INPP4B: variants seen among roughly 807,000 people sequenced by gnomAD.
INPP4B encodes the protein inositol polyphosphate 4-phosphatase type II.
A neutral mutation model predicts 122.5 loss-of-function variants in INPP4B; 55 were observed. The ratio of observed to expected loss-of-function variants is 0.45; its 90% CI spans 0.36 to 0.56. INPP4B has a LOEUF of 0.56. Among genes scored for constraint, INPP4B ranks in the 20% least tolerant of loss-of-function variants. The pLI is 0.00. For synonymous variants in INPP4B, 403 were observed against 388.7 expected, an observed-to-expected ratio of 1.04 and a Z score of -0.43; for missense variants, 1,000 against 1,097.7, an observed-to-expected ratio of 0.91 and a Z score of 1.26.
intron 3 of INPP4B, among the ~76,000 whole-genome samples, chr4:142,433,592 A>G (rs192304452): frequency 6.6e-6 from 1 of 152,348 alleles, no homozygotes; most frequent in African/African-American, 2.4e-5. Context: ...ACAGACACAT[A>G]AAATCATACA....
chr4:142,156,937 A>C (rs1249024438), intron 17 of INPP4B, among the ~76,000 whole-genome samples: 1 of 152,132 alleles, frequency 6.6e-6, no homozygotes, highest in Non-Finnish European at 1.5e-5. Context: ...GAAATTAAGT[A>C]AAACAAACAA....
chr4:142,280,600 T>C (rs745994837), intron 9 of INPP4B, among the ~76,000 whole-genome samples: 1 of 151,958 alleles, frequency 6.6e-6, no homozygotes, highest in Non-Finnish European at 1.5e-5. Context: ...GGATACGGAC[T>C]CTGTTCATAC....
At position 142,399,189 on chromosome 4, in the gene INPP4B, CTTTTTTT is replaced by C. The variant is rs70949166; in HGVS notation, c.372+3742_372+3748del. The stretch of plus-strand genomic sequence containing the variant: ...CTTTTCCTTTCTAAATTTCCTTTTG[CTTTTTTT>C]TTTTTTTTTTTTTTTTTTTGAGTCG... On this transcript the variant is annotated intron_variant, in intron 7 of 25. Transcript: ENST00000262992. 1.6e-4 allele frequency among the ~76,000 whole-genome samples: 9 copies of C among 56,990 alleles called. No individual in the cohort carries two copies. In the East Asian group the frequency reaches 4.8e-3, roughly 31 times the overall value. 37.4% of individuals were successfully genotyped at this position (56,990 alleles called of 152,430 possible).
chr4:142,094,661 T>C (rs1238322526), intron 23 of INPP4B, among the ~76,000 whole-genome samples: 1 of 152,144 alleles, frequency 6.6e-6, no homozygotes, highest in East Asian at 1.9e-4. Flanking sequence ...TCCATGCCTC[T>C]CCTGCTGCCT....
rs549356664 is a variant in INPP4B, at chr4:142,176,493, A to G, written c.1182-2684T>C. Among the ~76,000 whole-genome samples the G allele has an allele frequency of 3.6e-4, 55 of 151,872 alleles. 1 individual carries two copies. The highest frequency in any genetic ancestry group is 1.9e-3 in the Admixed American group (29 of 15,210). On this transcript the variant is annotated intron_variant, in intron 15 of 25. Transcript: ENST00000262992. ...TCTTTCCCAGAAGTTCACTGTTACT[A>G]TTTTCCTGAATATTACTACTTTCAT... is the stretch of plus-strand genomic sequence containing the variant.
chr4:142,298,363 C>A (rs926555488), intron 9 of INPP4B, among the ~76,000 whole-genome samples: 1 of 152,020 alleles, frequency 6.6e-6, no homozygotes, highest in African/African-American at 2.4e-5. Context: ...AGCTGAAGGG[C>A]CAGGTTTGAA....
At chr4:142,074,160 T>C (rs1454570795) in intron 25 of INPP4B, among the ~76,000 whole-genome samples, 2 of 152,064 alleles carry the variant, frequency 1.3e-5, no homozygotes, top group African/African-American at 2.4e-5. Flanking sequence ...CCTGAAACAG[T>C]GTCTTCTAAA....
chr4:142,506,021 C>G (rs1560734205), intron 2 of INPP4B, among the ~76,000 whole-genome samples: 1 of 151,944 alleles, frequency 6.6e-6, no homozygotes, highest in Non-Finnish European at 1.5e-5. Context: ...TTCTATTTTC[C>G]CCATTTTGAA....
chr4:142,720,893 C>CGTGTGTGTGT (rs35250436), intron 2 of INPP4B, among the ~76,000 whole-genome samples: 9 of 111,258 alleles, frequency 8.1e-5, no homozygotes, highest in African/African-American at 2.1e-4. Context: ...GAGTGCATCT[C>CGTGTGTGTGT]GTGTGTGTGT....
rs1008725555 is a variant in INPP4B at position 142,846,158 on chromosome 4, C to T, written c.-254+51G>A. The T allele has an allele frequency of 6.6e-6, 1 of 152,230 alleles. No individual in the cohort carries two copies. Among genetic ancestry groups the T allele is most frequent in the South Asian group, 2.1e-4 (1 of 4,816 alleles). The allele number at this position is 152,230 out of a possible 1,614,324, so 9.4% of individuals were successfully genotyped here. ...CCGGATTACCCACCATCAACCACCC[C>T]ACCCTGCAAAATTCCCCCACCGAGC... On this transcript the variant is annotated intron_variant, in intron 1 of 25. Transcript: ENST00000262992. The surrounding 1 kb of genome is among the most constrained non-coding windows in gnomAD (Gnocchi z 5.1).
chr4:142,398,390 AAAAAAAAAAAAATATATATATATATATAT>A (rs1208452834), intron 7 of INPP4B, among the ~76,000 whole-genome samples: 25,846 of 70,606 alleles, frequency 0.37, 4,967 homozygotes, highest in South Asian at 0.47. Flanking sequence ...AAAAAAAAAA[AAAAAAAAAAAAATATATATATATATATAT>A]ATATATATAT....
intron 17 of INPP4B, among the ~76,000 whole-genome samples, chr4:142,158,993 T>C (rs1255848902): frequency 6.6e-6 from 1 of 152,062 alleles, no homozygotes; most frequent in Non-Finnish European, 1.5e-5. Context: ...TTGTATGACA[T>C]ATCTAATTTC....
intron 12 of INPP4B, among the ~76,000 whole-genome samples, chr4:142,216,068 C>T (rs1299200891): frequency 6.6e-6 from 1 of 152,124 alleles, no homozygotes; most frequent in Non-Finnish European, 1.5e-5. Flanking sequence ...ATACTCCTAT[C>T]TGTAAACATT....
intron 11 of INPP4B, among the ~76,000 whole-genome samples, chr4:142,243,284 G>C (rs1860440366): frequency 1.3e-5 from 2 of 152,206 alleles, no homozygotes; most frequent in African/African-American, 4.8e-5. Context: ...ACTTAGGAAA[G>C]ATAGTTGAAG....
chr4:142,116,247 G>A (rs1346912612), intron 21 of INPP4B, among the ~76,000 whole-genome samples: 11 of 152,128 alleles, frequency 7.2e-5, no homozygotes, highest in Non-Finnish European at 1.3e-4. Flanking sequence ...ACGTTAGACA[G>A]ATCAAGGAGA....
At chr4:142,669,002 G>A (rs1342704366) in intron 2 of INPP4B, among the ~76,000 whole-genome samples, 1 of 152,096 alleles carries the variant, frequency 6.6e-6, no homozygotes, top group Non-Finnish European at 1.5e-5. Context: ...CTTGCAATGA[G>A]CGGAGATTGC....
intron 9 of INPP4B, among the ~76,000 whole-genome samples, chr4:142,297,592 C>T (rs536462676): frequency 6.6e-6 from 1 of 152,302 alleles, no homozygotes; most frequent in East Asian, 1.9e-4. Context: ...CACCTTTTGC[C>T]GTAAGTAACA....
At chr4:142,392,444 T>C (rs1370882507) in intron 7 of INPP4B, among the ~76,000 whole-genome samples, 1 of 152,226 alleles carries the variant, frequency 6.6e-6, no homozygotes, top group African/African-American at 2.4e-5. Flanking sequence ...GATAACCTTA[T>C]ACTTTGATAA....
At chr4:142,259,640 C>T (rs975232369) in intron 11 of INPP4B, among the ~76,000 whole-genome samples, 6 of 151,486 alleles carry the variant, frequency 4.0e-5, no homozygotes, top group African/African-American at 1.5e-4. Context: ...AACTTTTTTA[C>T]TTTATACACT....
Sources: gnomAD v4.1 joint callset for allele counts (sites outside exome capture counted in the v4.1 genomes callset) on GRCh38, gnomAD v4.1.1 for gene constraint, Gnocchi (gnomAD v3.1) non-coding constraint, MANE v1.5 for transcripts, NCBI Gene and HGNC (gene_info 2026-07-23, HGNC 2026-07-21) for gene names.